TEX264: variants seen among roughly 807,000 people sequenced by gnomAD.
TEX264 encodes testis-expressed protein 264.
In TEX264, 13 loss-of-function variants were observed where a neutral mutation model predicts 23.4. That is an observed-to-expected ratio of 0.56 (90% confidence interval 0.36 to 0.88). TEX264 has a LOEUF of 0.88. Ranked by LOEUF, TEX264 falls within the 40% of genes least tolerant of loss-of-function variation. TEX264 has a pLI of 0.01. For synonymous variants in TEX264, 159 were observed against 170.0 expected (o/e 0.94, Z 0.50); for missense variants, 340 against 406.8 (o/e 0.84, Z 1.41).
intron 3 of TEX264, among the ~76,000 whole-genome samples, chr3:51,696,795 C>T (rs1218637851): frequency 1.3e-5 from 2 of 152,226 alleles, no homozygotes; most frequent in African/African-American, 4.8e-5. Flanking sequence ...GGACCTGGTG[C>T]ATGTGCTATA....
At chr3:51,673,905 C>T (rs1477127534) in intron 1 of TEX264, among the ~76,000 whole-genome samples, 1 of 152,108 alleles carries the variant, frequency 6.6e-6, no homozygotes, top group Non-Finnish European at 1.5e-5. Flanking sequence ...GAAAGGCAGG[C>T]TGGCTGGTAT....
At chr3:51,676,636 C>T (rs1009122317) in intron 2 of TEX264, among the ~76,000 whole-genome samples, 5 of 152,204 alleles carry the variant, frequency 3.3e-5, no homozygotes, top group Non-Finnish European at 5.9e-5. Context: ...GTTTCTGAGC[C>T]TCTATTTCCT....
intron 3 of TEX264, among the ~76,000 whole-genome samples, chr3:51,692,064 C>G (rs2106981989): frequency 6.6e-6 from 1 of 152,350 alleles, no homozygotes; most frequent in South Asian, 2.1e-4. Flanking sequence ...AAGCACAAAG[C>G]CAGCCTTTGC....
intron 2 of TEX264, chr3:51,681,595 C>G (rs577692806): frequency 6.6e-6 from 1 of 152,418 alleles, no homozygotes; most frequent in Non-Finnish European, 1.5e-5. Flanking sequence ...AAGTAGCTTA[C>G]GCAAAGGCAG....
At chr3:51,701,022 C>G (rs899314109) in intron 4 of TEX264, among the ~76,000 whole-genome samples, 3 of 152,164 alleles carry the variant, frequency 2.0e-5, no homozygotes, top group Non-Finnish European at 4.4e-5. Context: ...TAGCTTAGGC[C>G]GGGAGGTGAA....
intron 3 of TEX264, among the ~76,000 whole-genome samples, chr3:51,698,370 AAT>A (rs1282304302): frequency 6.6e-6 from 1 of 152,126 alleles, no homozygotes; most frequent in African/African-American, 2.4e-5. Context: ...GAATGCTATA[AAT>A]AGTCGTGTTG....
rs1703437993 is a variant in TEX264, at chr3:51,704,116, G to A, written c.*100G>A. On this transcript the variant is annotated 3_prime_UTR_variant, in exon 5 of 5. Transcript: ENST00000341333. ...TTCCTCCTTCCTCTGGGGGAGGAGG[G>A]GTTCCTGAGGGACCTGACTTCCCCT... 7.9e-6 allele frequency: 9 copies of A among 1,132,552 alleles called. No homozygotes were observed. Among genetic ancestry groups the A allele is most frequent in the Non-Finnish European group, 1.0e-5 (9 of 873,310 alleles). 70.2% of individuals were successfully genotyped at this position (1,132,552 alleles called of 1,614,324 possible).
chr3:51,679,215 G>A (rs1455169105), intron 2 of TEX264, among the ~76,000 whole-genome samples: 1 of 152,180 alleles, frequency 6.6e-6, no homozygotes, highest in Non-Finnish European at 1.5e-5. Flanking sequence ...GTCACATGAG[G>A]ATAAAAGAAT....
Position 51,704,228 on chromosome 3 carries a change from C to T in TEX264, c.*212C>T. 2 of 413,588 alleles carry T rather than the reference C, an allele frequency of 4.8e-6. No individual in the cohort carries two copies. Among genetic ancestry groups the T allele is most frequent in the Non-Finnish European group, 8.3e-6 (2 of 239,802 alleles). The allele number at this position is 413,588 out of a possible 1,614,324, so 25.6% of individuals were successfully genotyped here. A position where few individuals can be genotyped will look rare whatever the true frequency, so the allele number is the denominator to read the frequency against. ...CCAGGGACTATTTTCTGCACCAGCC[C>T]CCAGGGCTGCCACCCCTGTTGTGTC... On this transcript the variant is annotated 3_prime_UTR_variant, in exon 5 of 5. Transcript: ENST00000341333.
chr3:51,671,370 G>T (rs899690779), intron 1 of TEX264, 82 bp downstream of exon 1: 3 of 152,582 alleles, frequency 2.0e-5, no homozygotes, highest in Admixed American at 6.5e-5. Flanking sequence ...GCGACCTCAG[G>T]ACTCTCCGTG....
At position 51,674,428 on chromosome 3, in the gene TEX264, C is replaced by G. The variant is rs1266614723; in HGVS notation, c.124C>G (p.Pro42Ala). 1.2e-6 allele frequency: 2 copies of G among 1,614,066 alleles called. No individual in the cohort carries two copies. The highest frequency in any genetic ancestry group is 1.7e-5 in the Admixed American group (1 of 60,008). Residue 42 changes from proline (P) to alanine (A), a missense_variant, in exon 2 of 5, where the codon CCC becomes GCC. Coordinates refer to ENST00000341333, the MANE Select transcript of TEX264 (RefSeq NM_015926.6). The part of the protein sequence containing the change: ...AGVEVSAGSP[P>A]IRNVTVAYKF... ...GGTGGAAGTGAGTGCTGGGTCACCC[C>G]CCATCCGCAACGTCACTGTGGCCTA...
At position 51,703,841 on chromosome 3, in the gene TEX264, A is replaced by ACACCCGCAGCGAG; in HGVS notation, c.771_783dup (p.Ser262ProfsTer17). 6.2e-7 allele frequency: 1 copy of ACACCCGCAGCGAG among 1,612,812 alleles called. No individual in the cohort carries two copies. The highest frequency in any genetic ancestry group is 1.7e-5 in the Admixed American group (1 of 59,998). On this transcript the variant is annotated frameshift_variant, in exon 5 of 5. Coordinates refer to ENST00000341333, the MANE Select transcript of TEX264 (RefSeq NM_015926.6). LOFTEE classifies it high-confidence loss of function. The surrounding 1 kb of genome is among the most constrained non-coding windows in gnomAD (Gnocchi z 4.8). ...AGCAGCCGTGGCTGGGATGACGGTGACACCCGCAGCGAGCACAGCTACAGC... is the reference window on the plus strand; with the variant it reads ...AGCAGCCGTGGCTGGGATGACGGTGACACCCGCAGCGAGCACCCGCAGCGAGCACAGCTACAGC...
At chr3:51,671,906 G>C (rs1473231972) in intron 1 of TEX264, 1 of 152,246 alleles carries the variant, frequency 6.6e-6, no homozygotes, top group East Asian at 1.9e-4. Flanking sequence ...CGCTGGCACC[G>C]GCCGCACGCG....
chr3:51,674,536 G>A lies in TEX264; in HGVS notation c.232G>A (p.Ala78Thr), dbSNP rs780205946. The change falls in exon 2 of 5, where the codon GCT becomes ACT. Residue 78 changes from alanine (A) to threonine (T), a missense_variant. Ala to Thr is a moderately conservative substitution (Grantham distance 58, BLOSUM62 0). Transcript: ENST00000341333. ...CATCTCTCCCAAGCTCCGCTCCATCGCTGTCTACTATGACAACCCCCACAT... is the reference window on the plus strand; with the variant it reads ...CATCTCTCCCAAGCTCCGCTCCATCACTGTCTACTATGACAACCCCCACAT... ...CSISPKLRSI[A>T]VYYDNPHMVP... 6.8e-6 allele frequency: 11 copies of A among 1,614,084 alleles called. No homozygotes were observed. The highest frequency in any genetic ancestry group is 1.7e-5 in the Admixed American group (1 of 60,020).
chr3:51,687,433 T>A (rs1227428849), intron 3 of TEX264, among the ~76,000 whole-genome samples: 1 of 152,184 alleles, frequency 6.6e-6, no homozygotes, highest in Non-Finnish European at 1.5e-5. Context: ...AAGGCTCCCT[T>A]CCATCCCTGC....
At chr3:51,692,750 C>T (rs1421248221) in intron 3 of TEX264, among the ~76,000 whole-genome samples, 1 of 152,222 alleles carries the variant, frequency 6.6e-6, no homozygotes, top group Non-Finnish European at 1.5e-5. Flanking sequence ...GTGGAGCCTG[C>T]GATGGTAGAG....
In TEX264 at chr3:51,691,889, C is replaced by T. The variant is rs777336130; in HGVS notation, c.480+7255C>T. Among the ~76,000 whole-genome samples the T allele has an allele frequency of 2.6e-5, 4 of 152,248 alleles. No homozygotes were observed. The highest frequency in any genetic ancestry group is 5.9e-5 in the Non-Finnish European group (4 of 68,046). On this transcript the variant is annotated intron_variant, in intron 3 of 4. Transcript: ENST00000341333. The surrounding 1 kb of genome is among the most constrained non-coding windows in gnomAD (Gnocchi z 4.4). ...GATGTCCCCAAGCCAAGAGGCGATC[C>T]TCCCACCATACCACGGCTTGGCTTC...
Position 51,703,323 on chromosome 3 carries a change from G to T in TEX264, c.650-401G>T, listed in dbSNP as rs565268485. Among the ~76,000 whole-genome samples the T allele has an allele frequency of 3.3e-5, 5 of 152,326 alleles. No homozygotes were observed. Among genetic ancestry groups the T allele is most frequent in the Admixed American group, 3.3e-4 (5 of 15,304 alleles). On this transcript the variant is annotated intron_variant, in intron 4 of 4. Coordinates refer to ENST00000341333, the MANE Select transcript of TEX264 (RefSeq NM_015926.6). The surrounding 1 kb of genome is among the most constrained non-coding windows in gnomAD (Gnocchi z 4.8). ...ATCTCTTTCCAAGCTTGAAGTGGGG[G>T]TGGGGGAAGGTGGAGAGGACACTAC... is the stretch of plus-strand genomic sequence containing the variant.
At chr3:51,693,715 G>A (rs1210588648) in intron 3 of TEX264, among the ~76,000 whole-genome samples, 2 of 151,918 alleles carry the variant, frequency 1.3e-5, no homozygotes, top group Non-Finnish European at 2.9e-5. Flanking sequence ...CCTGACCCCA[G>A]GTGATCTGCC....
Sources: gnomAD v4.1 joint callset for allele counts (sites outside exome capture counted in the v4.1 genomes callset) on GRCh38, gnomAD v4.1.1 for gene constraint, Gnocchi (gnomAD v3.1) non-coding constraint, MANE v1.5 for transcripts, NCBI Gene and HGNC (gene_info 2026-07-23, HGNC 2026-07-21) for gene names.